ZNF257: variants seen among roughly 807,000 people sequenced by gnomAD.
ZNF257 encodes the protein bone marrow zinc finger 4.
In ZNF257, 12 loss-of-function variants were observed where a neutral mutation model predicts 11.9. The observed-to-expected ratio is 1.01, with a 90% CI of 0.65 to 1.63. The LOEUF (loss-of-function observed/expected upper bound fraction) is 1.63, where lower values mean the gene tolerates loss of function less well. Ranked by LOEUF, ZNF257 falls within the 40% of genes most tolerant of loss-of-function variation. The pLI is 0.00. For missense variants in ZNF257, 580 were observed against 665.5 expected, an observed-to-expected ratio of 0.87 and a Z score of 1.41; for synonymous variants, 183 against 222.7, an observed-to-expected ratio of 0.82 and a Z score of 1.59.
chr19:22,052,806 G>T (rs1353100800), intron 1 of ZNF257, among the ~76,000 whole-genome samples, 171 bp downstream of exon 1: 1 of 152,100 alleles, frequency 6.6e-6, no homozygotes, highest in African/African-American at 2.4e-5. Context: ...TGGCGGCTGC[G>T]CTGACAGCCG....
chr19:22,061,339 A>G (rs943614431), intron 1 of ZNF257, among the ~76,000 whole-genome samples: 5 of 151,984 alleles, frequency 3.3e-5, no homozygotes, highest in African/African-American at 1.2e-4. Flanking sequence ...TATTTTTGTC[A>G]TAGAGATCTT....
chr19:22,058,596 C>G (rs867088984), intron 1 of ZNF257, among the ~76,000 whole-genome samples: 2 of 152,118 alleles, frequency 1.3e-5, no homozygotes, highest in African/African-American at 4.8e-5. Flanking sequence ...TCAGCAAACT[C>G]TACAGATTTG....
Position 22,088,607 on chromosome 19 carries a change from A to C in ZNF257, c.857A>C (p.Lys286Thr), listed in dbSNP as rs2022539982. Residue 286 changes from lysine to threonine, a missense_variant, in exon 4 of 4, where the codon AAA (lysine) becomes ACA (threonine). Transcript: ENST00000594947. ...KRIHNREKPF[K>T]YDECCKAFKW... Reference sequence around the variant, plus strand: ...ATTCATAATAGAGAGAAGCCCTTCAAATATGATGAATGTTGCAAAGCCTTT... The same window carrying C: ...ATTCATAATAGAGAGAAGCCCTTCACATATGATGAATGTTGCAAAGCCTTT... 1.2e-6 allele frequency: 2 copies of C among 1,613,390 alleles called. No individual in the cohort carries two copies. Among genetic ancestry groups the C allele is most frequent in the South Asian group, 1.1e-5 (1 of 91,062 alleles).
chr19:22,084,062 C>T (rs1599673614), intron 3 of ZNF257, among the ~76,000 whole-genome samples: 1 of 151,894 alleles, frequency 6.6e-6, no homozygotes, highest in Non-Finnish European at 1.5e-5. Flanking sequence ...GTTGCTTGAA[C>T]CCGGGAAGCA....
chr19:22,081,195 G>T (rs1258682692), intron 3 of ZNF257, among the ~76,000 whole-genome samples: 2 of 151,596 alleles, frequency 1.3e-5, no homozygotes, highest in Non-Finnish European at 2.9e-5. Context: ...ATATCTATAT[G>T]TATACATATA....
chr19:22,071,995 C>T (rs1306264326), intron 1 of ZNF257, among the ~76,000 whole-genome samples: 2 of 152,140 alleles, frequency 1.3e-5, no homozygotes, highest in Non-Finnish European at 2.9e-5. Flanking sequence ...CTTAAAATCA[C>T]TATTAAAAAT....
chr19:22,083,877 C>T (rs945053833), intron 3 of ZNF257, among the ~76,000 whole-genome samples: 7 of 152,136 alleles, frequency 4.6e-5, no homozygotes, highest in South Asian at 2.1e-4. Context: ...TGGTAGCTCA[C>T]GCCTGTAATC....
chr19:22,082,329 A>G (rs2022378103), intron 3 of ZNF257, among the ~76,000 whole-genome samples: 1 of 152,152 alleles, frequency 6.6e-6, no homozygotes, highest in African/African-American at 2.4e-5. Flanking sequence ...ATTTTTCAGC[A>G]TAATGGACTC....
At chr19:22,072,227 G>A (rs1034267154) in intron 1 of ZNF257, among the ~76,000 whole-genome samples, 2 of 152,082 alleles carry the variant, frequency 1.3e-5, no homozygotes, top group African/African-American at 4.8e-5. Context: ...TAGAAAGCTA[G>A]TTATTTTTCT....
chr19:22,058,472 A>G (rs529413271), intron 1 of ZNF257, among the ~76,000 whole-genome samples: 1 of 152,264 alleles, frequency 6.6e-6, no homozygotes, highest in South Asian at 2.1e-4. Flanking sequence ...TGTTCCTGAC[A>G]TCTGCAGTAA....
chr19:22,088,695 C>A lies in ZNF257; in HGVS notation c.945C>A (p.Pro315=). ...QHKRIHTGEK[P]YKCEECGKAF... ...AGAGAATTCATACTGGAGAGAAACC[C>A]TACAAATGTGAAGAGTGTGGCAAAG... is the stretch of plus-strand genomic sequence containing the variant. The change falls in exon 4 of 4, where the codon CCC becomes CCA. Residue 315 remains proline (P), a synonymous_variant. Transcript: ENST00000594947. 6.2e-7 allele frequency: 1 copy of A among 1,613,342 alleles called. No individual in the cohort carries two copies. The highest frequency in any genetic ancestry group is 8.5e-7 in the Non-Finnish European group (1 of 1,179,788).
rs779341244 is a variant in ZNF257 at position 22,088,740 on chromosome 19, C to G, written c.990C>G (p.Ala330=). Residue 330 remains alanine, a synonymous_variant, in exon 4 of 4, where the codon GCC becomes GCG. Transcript: ENST00000594947. ...ECGKAFNQSS[A]LTRHKMIHTG... ...GCAAAGCCTTTAACCAGTCCTCAGC[C>G]CTTACTCGACATAAGATGATTCATA... 1.9e-6 allele frequency: 3 copies of G among 1,610,000 alleles called. No homozygotes were observed. In the Admixed American group the frequency reaches 5.0e-5, roughly 27 times the overall value.
At chr19:22,056,017 T>C (rs990101974) in intron 1 of ZNF257, among the ~76,000 whole-genome samples, 2 of 141,118 alleles carry the variant, frequency 1.4e-5, no homozygotes, top group Admixed American at 7.4e-5. Flanking sequence ...ATCGCACCAC[T>C]GCACTCCAGC....
At chr19:22,059,472 G>T (rs1005849628) in intron 1 of ZNF257, among the ~76,000 whole-genome samples, 7 of 151,348 alleles carry the variant, frequency 4.6e-5, no homozygotes, top group Non-Finnish European at 8.8e-5. Context: ...ATTTTTGGAG[G>T]GACGGGGTTT....
Position 22,088,277 on chromosome 19 carries a change from A to G in ZNF257, c.527A>G (p.Lys176Arg). ...ACTGAAAAGAAAACTTGCAAATGTAAAGAATGTGGCAAATCATTTTGCATG... is the reference window on the plus strand; with the variant it reads ...ACTGAAAAGAAAACTTGCAAATGTAGAGAATGTGGCAAATCATTTTGCATG... ...RHTEKKTCKC[K>R]ECGKSFCMLS... The change falls in exon 4 of 4, where the codon AAA becomes AGA. Residue 176 changes from lysine (K) to arginine (R), a missense_variant. Transcript: ENST00000594947. The G allele has an allele frequency of 6.2e-7, 1 of 1,613,656 alleles. No homozygotes were observed. Among genetic ancestry groups the G allele is most frequent in the Non-Finnish European group, 8.5e-7 (1 of 1,179,776 alleles).
intron 3 of ZNF257, among the ~76,000 whole-genome samples, chr19:22,083,268 G>C (rs2022400189): frequency 6.6e-6 from 1 of 152,024 alleles, no homozygotes; most frequent in Admixed American, 6.6e-5. Context: ...TCAGCAGTTT[G>C]AGACCAGCCT....
intron 1 of ZNF257, among the ~76,000 whole-genome samples, chr19:22,063,388 C>T (rs1196502491): frequency 1.3e-5 from 2 of 152,016 alleles, no homozygotes; most frequent in African/African-American, 4.8e-5. Flanking sequence ...TTATTTTTTG[C>T]ATTCTGCTAG....
intron 3 of ZNF257, among the ~76,000 whole-genome samples, chr19:22,082,128 T>C (rs2022373584): frequency 6.6e-6 from 1 of 152,164 alleles, no homozygotes; most frequent in South Asian, 2.1e-4. Flanking sequence ...ACATTTTTGT[T>C]ATTAATATTA....
intron 1 of ZNF257, among the ~76,000 whole-genome samples, chr19:22,059,804 C>T (rs1223279156): frequency 2.0e-5 from 3 of 152,026 alleles, no homozygotes; most frequent in Admixed American, 2.0e-4. Flanking sequence ...TTCAATGAAG[C>T]CTCAATCTCC....
Sources: allele counts gnomAD v4.1 joint callset (sites outside exome capture counted in the v4.1 genomes callset), GRCh38; gene constraint gnomAD v4.1.1; transcripts MANE v1.5; gene names NCBI Gene and HGNC (gene_info 2026-07-23, HGNC 2026-07-21).